CTNNA2: variants seen among roughly 807,000 people sequenced by gnomAD.
CTNNA2 encodes catenin alpha 2.
A neutral mutation model predicts 101.0 loss-of-function variants in CTNNA2; 42 were observed. The ratio of observed to expected loss-of-function variants is 0.42; its 90% CI spans 0.32 to 0.54. The LOEUF is 0.54. Ranked by LOEUF, CTNNA2 falls within the 20% of genes least tolerant of loss-of-function variation. The pLI is 0.14. For missense variants in CTNNA2, 871 were observed against 1,223.1 expected (o/e 0.71, Z 4.29); for synonymous variants, 450 against 456.4 (o/e 0.99, Z 0.18).
At chr2:79,962,068 C>G (rs993969320) in intron 7 of CTNNA2, among the ~76,000 whole-genome samples, 3 of 152,208 alleles carry the variant, frequency 2.0e-5, no homozygotes, top group African/African-American at 7.2e-5. Flanking sequence ...GACGAGGCAA[C>G]CTGAAGCCAC....
chr2:79,412,486 T>C (rs965241241), intron 4 of CTNNA2, among the ~76,000 whole-genome samples: 5 of 151,800 alleles, frequency 3.3e-5, no homozygotes, highest in African/African-American at 1.2e-4. Flanking sequence ...ATTGACCACA[T>C]AGTTGGAAGT....
At chr2:80,080,420 G>A (rs1339334153) in intron 7 of CTNNA2, among the ~76,000 whole-genome samples, 2 of 152,150 alleles carry the variant, frequency 1.3e-5, no homozygotes, top group African/African-American at 4.8e-5. Flanking sequence ...CAATTCGATA[G>A]GGAAACAGCC....
chr2:80,293,042 T>G (rs2149183505), intron 7 of CTNNA2, among the ~76,000 whole-genome samples: 1 of 152,264 alleles, frequency 6.6e-6, no homozygotes, highest in Admixed American at 6.5e-5. Context: ...AAATAAAAAT[T>G]TAATAAAATA....
At chr2:80,153,154 GA>G (rs1245220140) in intron 7 of CTNNA2, among the ~76,000 whole-genome samples, 11 of 152,162 alleles carry the variant, frequency 7.2e-5, no homozygotes, top group Non-Finnish European at 2.9e-5. Flanking sequence ...CTTGTGCCGG[GA>G]AAGGCACCTC....
chr2:79,748,443 CTT>C (rs1451493187), intron 3 of CTNNA2, among the ~76,000 whole-genome samples: 3 of 152,146 alleles, frequency 2.0e-5, no homozygotes, highest in Non-Finnish European at 4.4e-5. Context: ...CCATACATGA[CTT>C]ATTTATTAAA....
intron 3 of CTNNA2, among the ~76,000 whole-genome samples, chr2:79,841,685 A>G (rs1275841677): frequency 2.0e-5 from 3 of 152,234 alleles, no homozygotes; most frequent in African/African-American, 7.2e-5. Context: ...TGATCTTTAT[A>G]TGCGCAATCA....
rs1677921105 is a variant in CTNNA2 at position 80,395,450 on chromosome 2, C to A, written c.1137+2159C>A. 2.6e-5 allele frequency among the ~76,000 whole-genome samples: 4 copies of A among 152,188 alleles called. No individual in the cohort carries two copies. The South Asian group carries it at 8.3e-4, about 32-fold the overall frequency. ...TCCCCATCTGTCAGTTTCATCCCTG[C>A]CCATATGTTGAGATATTTTTGTCTT... On this transcript the variant is annotated intron_variant, in intron 8 of 18. Transcript: ENST00000402739.
intron 1 of CTNNA2, among the ~76,000 whole-genome samples, chr2:79,646,736 C>T (rs1178752672): frequency 6.6e-6 from 1 of 151,936 alleles, no homozygotes; most frequent in Non-Finnish European, 1.5e-5. Flanking sequence ...ACTATGTTGT[C>T]CAGGCTGGTC....
At chr2:80,363,396 G>C (rs1248386027) in intron 7 of CTNNA2, among the ~76,000 whole-genome samples, 1 of 152,084 alleles carries the variant, frequency 6.6e-6, no homozygotes, top group Non-Finnish European at 1.5e-5. Flanking sequence ...ATTGAAGATT[G>C]AAAGACTCAA....
At chr2:80,500,802 C>A (rs888500914) in intron 9 of CTNNA2, among the ~76,000 whole-genome samples, 5 of 152,108 alleles carry the variant, frequency 3.3e-5, no homozygotes, top group African/African-American at 1.2e-4. Context: ...ACTTCAGGAA[C>A]TTTGTTTTGC....
chr2:80,124,697 C>T (rs1005371227), intron 7 of CTNNA2, among the ~76,000 whole-genome samples: 35 of 152,144 alleles, frequency 2.3e-4, no homozygotes, highest in African/African-American at 8.5e-4. Flanking sequence ...ATATTTAAAT[C>T]CATTACCTAA....
At chr2:80,077,792 G>T (rs1698859735) in intron 7 of CTNNA2, among the ~76,000 whole-genome samples, 1 of 152,184 alleles carries the variant, frequency 6.6e-6, no homozygotes, top group Non-Finnish European at 1.5e-5. Flanking sequence ...CTGGCAGCTG[G>T]AAGCGAGAGG....
intron 7 of CTNNA2, among the ~76,000 whole-genome samples, chr2:79,980,962 A>G (rs536040630): frequency 6.6e-6 from 1 of 151,968 alleles, no homozygotes; most frequent in African/African-American, 2.4e-5. Context: ...GTCTTCCTCG[A>G]TATATTCTGA....
intron 3 of CTNNA2, among the ~76,000 whole-genome samples, chr2:79,354,936 C>T (rs1018927093): frequency 6.6e-6 from 1 of 152,178 alleles, no homozygotes; most frequent in African/African-American, 2.4e-5. Context: ...ACATTTTGAT[C>T]TCACTTGGTA....
At chr2:79,204,125 C>A (rs1226675160) in intron 2 of CTNNA2, among the ~76,000 whole-genome samples, 1 of 152,180 alleles carries the variant, frequency 6.6e-6, no homozygotes, top group African/African-American at 2.4e-5. Context: ...CATAAGGTGC[C>A]TTTGAAATTA....
At chr2:80,179,395 A>G (rs1705612391) in intron 7 of CTNNA2, among the ~76,000 whole-genome samples, 1 of 151,684 alleles carries the variant, frequency 6.6e-6, no homozygotes. Flanking sequence ...TTTTTTTGAG[A>G]CGGAGTCTCG....
intron 7 of CTNNA2, among the ~76,000 whole-genome samples, chr2:79,952,230 T>C (rs2104498182): frequency 6.6e-6 from 1 of 152,256 alleles, no homozygotes; most frequent in East Asian, 1.9e-4. Context: ...GCATGTCATG[T>C]CTTATATTTG....
intron 4 of CTNNA2, among the ~76,000 whole-genome samples, chr2:79,391,496 T>A (rs1367011745): frequency 6.6e-6 from 1 of 152,186 alleles, no homozygotes. Flanking sequence ...ATGTTATCAG[T>A]AAGGTTTCCA....
chr2:79,965,306 A>G (rs1048417546), intron 7 of CTNNA2, among the ~76,000 whole-genome samples: 2 of 152,180 alleles, frequency 1.3e-5, no homozygotes, highest in Admixed American at 1.3e-4. Context: ...AAAATTTTAA[A>G]GCACAGATCC....
Sources: allele counts gnomAD v4.1 joint callset (sites outside exome capture counted in the v4.1 genomes callset), GRCh38; gene constraint gnomAD v4.1.1; transcripts MANE v1.5; gene names NCBI Gene and HGNC (gene_info 2026-07-23, HGNC 2026-07-21).